RPH3A: variants seen among roughly 807,000 people sequenced by gnomAD.
RPH3A encodes the protein rabphilin 3A.
Under a neutral mutation model 102.2 loss-of-function variants are expected in RPH3A, and 48 were observed. The ratio of observed to expected loss-of-function variants is 0.47; its 90% CI spans 0.37 to 0.60. The LOEUF is 0.60. Among genes scored for constraint, RPH3A ranks in the 20% least tolerant of loss-of-function variants. RPH3A has a pLI of 0.00. For missense variants in RPH3A, 781 were observed against 910.1 expected (o/e 0.86, Z 1.83); for synonymous variants, 310 against 324.3 (o/e 0.96, Z 0.47).
chr12:112,855,376 G>A (rs2136201672), intron 5 of RPH3A, among the ~76,000 whole-genome samples: 1 of 152,304 alleles, frequency 6.6e-6, no homozygotes, highest in Non-Finnish European at 1.5e-5. Context: ...TGCTGTTCCT[G>A]GGTTTGTCAT....
Position 112,876,815 on chromosome 12 carries a change from C to T in RPH3A, c.1120C>T (p.Pro374Ser), listed in dbSNP as rs1403581440. The T allele has an allele frequency of 1.2e-6, 2 of 1,609,798 alleles. No individual in the cohort carries two copies. Among genetic ancestry groups the T allele is most frequent in the Admixed American group, 1.7e-5 (1 of 59,576 alleles). The stretch of plus-strand genomic sequence containing the variant: ...GCCTGCTGCAGCCCGCCAGCCACCA[C>T]CCCCAGAGGAGGAGGAAGAGGAAGC... ...PQPAAARQPP[P>S]PEEEEEEANS... Residue 374 changes from proline to serine, a missense_variant, in exon 13 of 22, where the codon CCC (proline) becomes TCC (serine). Pro to Ser is a moderately conservative substitution (Grantham distance 74, BLOSUM62 -1). Around this residue, in one of 2 missense-constraint regions of RPH3A, gnomAD observed 730 missense variants for 810.0 expected, o/e 0.90. Coordinates refer to ENST00000389385, the MANE Select transcript of RPH3A (RefSeq NM_001143854.2).
intron 5 of RPH3A, among the ~76,000 whole-genome samples, chr12:112,855,864 G>GGTGTGGT (rs1462092729): frequency 6.6e-6 from 1 of 152,068 alleles, no homozygotes; most frequent in Non-Finnish European, 1.5e-5. Context: ...TGGAATTGAT[G>GGTGTGGT]GTGTGGTGTG....
chr12:112,683,706 A>T (rs999506751), intron 1 of RPH3A, among the ~76,000 whole-genome samples: 2 of 152,158 alleles, frequency 1.3e-5, no homozygotes, highest in African/African-American at 4.8e-5. Flanking sequence ...TATTTCACTG[A>T]TTCCCACACC....
At chr12:112,880,666 C>A (rs1389825364) in intron 14 of RPH3A, among the ~76,000 whole-genome samples, 1 of 152,154 alleles carries the variant, frequency 6.6e-6, no homozygotes, top group Non-Finnish European at 1.5e-5. Context: ...GTTAAGTTAA[C>A]CCCCTGAGCA....
chr12:112,604,428 G>A (rs2039580840), intron 1 of RPH3A, among the ~76,000 whole-genome samples: 1 of 152,126 alleles, frequency 6.6e-6, no homozygotes, highest in African/African-American at 2.4e-5. Flanking sequence ...GGTAGGGAGG[G>A]AAACTAGCAT....
chr12:112,767,887 T>G (rs368026831), intron 1 of RPH3A, among the ~76,000 whole-genome samples: 135 of 152,314 alleles, frequency 8.9e-4, no homozygotes, highest in African/African-American at 3.1e-3. Flanking sequence ...TACATGATTT[T>G]ATTTGTATAA....
chr12:112,863,644 C>T (rs770656994), intron 5 of RPH3A, among the ~76,000 whole-genome samples: 1 of 152,242 alleles, frequency 6.6e-6, no homozygotes, highest in Non-Finnish European at 1.5e-5. Flanking sequence ...GGCTCTGCCA[C>T]TTCCTAGCTG....
At chr12:112,771,958 T>C (rs974554211) in intron 1 of RPH3A, among the ~76,000 whole-genome samples, 5 of 152,230 alleles carry the variant, frequency 3.3e-5, no homozygotes, top group African/African-American at 1.2e-4. Context: ...TTTAAGTGTA[T>C]GTATAAACTG....
rs753581771 is a variant in RPH3A, at chr12:112,883,346, T to C, written c.1380T>C (p.Asn460=). ...GGAATACCCGGAACCCCATCTGGAA[T>C]GAGACCCTCGTGTATCACGGCATCA... ...TLRNTRNPIW[N]ETLVYHGITD... is the part of the protein sequence containing the mutation. The change falls in exon 16 of 22, where the codon AAT becomes AAC. Residue 460 remains asparagine (N), a synonymous_variant. Transcript: ENST00000389385. The C allele has an allele frequency of 3.7e-6, 6 of 1,614,132 alleles. No homozygotes were observed. In the East Asian group the frequency reaches 1.3e-4, roughly 36 times the overall value.
At chr12:112,881,291 T>A (rs2136246188) in intron 14 of RPH3A, among the ~76,000 whole-genome samples, 1 of 152,330 alleles carries the variant, frequency 6.6e-6, no homozygotes, top group African/African-American at 2.4e-5. Context: ...ATGGAGACAC[T>A]GAAGTCTTAG....
intron 5 of RPH3A, among the ~76,000 whole-genome samples, chr12:112,853,744 A>G (rs964555904): frequency 2.0e-5 from 3 of 152,136 alleles, no homozygotes; most frequent in Admixed American, 1.3e-4. Context: ...TACATGAATC[A>G]TTTAACTCAG....
intron 1 of RPH3A, among the ~76,000 whole-genome samples, chr12:112,731,410 A>T (rs950816607): frequency 6.6e-6 from 1 of 152,206 alleles, no homozygotes. Flanking sequence ...CAGTCCACAA[A>T]ATATATGACC....
intron 1 of RPH3A, among the ~76,000 whole-genome samples, chr12:112,685,667 G>A (rs2040258257): frequency 6.6e-6 from 1 of 152,058 alleles, no homozygotes; most frequent in South Asian, 2.1e-4. Context: ...CCAGCCTTTG[G>A]GCCAGCTGGA....
intron 1 of RPH3A, among the ~76,000 whole-genome samples, chr12:112,587,553 C>G (rs1172614111): frequency 1.3e-5 from 2 of 152,200 alleles, no homozygotes; most frequent in Non-Finnish European, 2.9e-5. Flanking sequence ...GCTGTTCCCT[C>G]TGCTTGAAAT....
intron 1 of RPH3A, among the ~76,000 whole-genome samples, chr12:112,639,309 A>G (rs1405770727): frequency 6.6e-6 from 1 of 152,230 alleles, no homozygotes; most frequent in Non-Finnish European, 1.5e-5. Context: ...AAGGAATCCT[A>G]TGCAGCCATA....
chr12:112,649,052 C>G (rs1375358035), intron 1 of RPH3A, among the ~76,000 whole-genome samples: 1 of 152,228 alleles, frequency 6.6e-6, no homozygotes, highest in African/African-American at 2.4e-5. Context: ...CTCCTGGCCT[C>G]AAGGCCCACC....
At chr12:112,587,609 A>G (rs1325420773) in intron 1 of RPH3A, among the ~76,000 whole-genome samples, 1 of 152,092 alleles carries the variant, frequency 6.6e-6, no homozygotes, top group Admixed American at 6.6e-5. Flanking sequence ...AGGTTTTTGT[A>G]CAACATCACA....
intron 5 of RPH3A, among the ~76,000 whole-genome samples, chr12:112,865,121 G>A (rs1319006145): frequency 6.6e-6 from 1 of 152,154 alleles, no homozygotes; most frequent in African/African-American, 2.4e-5. Context: ...CGCTCAGAAG[G>A]CAGTTTCTGG....
At chr12:112,870,715 TCTC>T (rs1280964100) in intron 10 of RPH3A, among the ~76,000 whole-genome samples, 1 of 152,208 alleles carries the variant, frequency 6.6e-6, no homozygotes. Context: ...CATCTGGCCT[TCTC>T]TTCCTGAATT....
Sources: allele counts gnomAD v4.1 joint callset (sites outside exome capture counted in the v4.1 genomes callset), GRCh38; gene constraint gnomAD v4.1.1; regional missense constraint gnomAD v4.1.1; transcripts MANE v1.5; gene names NCBI Gene and HGNC (gene_info 2026-07-23, HGNC 2026-07-21).